KCNJ3: variants seen among roughly 807,000 people sequenced by gnomAD.
KCNJ3 encodes the protein potassium inwardly rectifying channel subfamily J member 3, also known as G protein-activated inward rectifier potassium channel 1.
A neutral mutation model predicts 39.2 loss-of-function variants in KCNJ3; 4 were observed. The observed-to-expected ratio is 0.10, with a 90% confidence interval of 0.05 to 0.23. KCNJ3 has a LOEUF of 0.23. Ranked by LOEUF, KCNJ3 falls within the 10% of genes least tolerant of loss-of-function variation. KCNJ3 has a pLI of 1.00. For missense variants in KCNJ3, 276 were observed against 634.9 expected (o/e 0.43, Z 6.08); for synonymous variants, 230 against 237.4 (o/e 0.97, Z 0.29).
intron 2 of KCNJ3, among the ~76,000 whole-genome samples, chr2:154,840,117 G>A (rs954837929): frequency 6.6e-6 from 1 of 152,110 alleles, no homozygotes; most frequent in Non-Finnish European, 1.5e-5. Context: ...TTTTATGTAA[G>A]GTGTAAGGAA....
At chr2:154,726,402 A>G (rs911049013) in intron 2 of KCNJ3, among the ~76,000 whole-genome samples, 1 of 152,212 alleles carries the variant, frequency 6.6e-6, no homozygotes, top group African/African-American at 2.4e-5. Context: ...AATCAAGACC[A>G]CAAAGCAATA....
At chr2:154,814,210 C>T (rs1687044972) in intron 2 of KCNJ3, among the ~76,000 whole-genome samples, 2 of 152,138 alleles carry the variant, frequency 1.3e-5, no homozygotes, top group South Asian at 4.1e-4. Context: ...TGACTTTTGA[C>T]ATAAGGTGAC....
intron 1 of KCNJ3, among the ~76,000 whole-genome samples, chr2:154,701,221 G>T (rs890688060): frequency 1.1e-4 from 16 of 152,048 alleles, no homozygotes; most frequent in African/African-American, 3.9e-4. Context: ...TAGTGGCAAG[G>T]TTTCTGTTCA....
chr2:154,852,558 ATTAT>A (rs1306439067), intron 2 of KCNJ3, among the ~76,000 whole-genome samples: 1 of 152,140 alleles, frequency 6.6e-6, no homozygotes, highest in Non-Finnish European at 1.5e-5. Flanking sequence ...GCACTTCCAC[ATTAT>A]TTGTTTTACT....
chr2:154,743,290 A>C (rs1479675774), intron 2 of KCNJ3, among the ~76,000 whole-genome samples: 2 of 151,852 alleles, frequency 1.3e-5, no homozygotes, highest in Admixed American at 1.3e-4. Context: ...TTTTAAAATC[A>C]GGAAATATGA....
In KCNJ3 at chr2:154,699,652, C is replaced by T. The variant is rs1230660680; in HGVS notation, c.702+175C>T. 2.2e-6 allele frequency: 1 copy of T among 464,426 alleles called. No individual in the cohort carries two copies. The highest frequency in any genetic ancestry group is 2.1e-5 in the African/African-American group (1 of 47,218). 28.8% of individuals were successfully genotyped at this position (464,426 alleles called of 1,614,324 possible). A position where few individuals can be genotyped will look rare whatever the true frequency, so the allele number is the denominator to read the frequency against. On this transcript the variant is annotated intron_variant, in intron 1 of 2. Transcript: ENST00000295101. This position sits in a 1 kb window ranked among gnomAD's most constrained non-coding sequence, Gnocchi z 6.4. The stretch of plus-strand genomic sequence containing the variant: ...TGGGCAAAGAATGCGGTTGACAGTT[C>T]TGTTCCTTTTCCACTCACTCTCGTG...
chr2:154,749,369 G>A (rs762158974), intron 2 of KCNJ3, among the ~76,000 whole-genome samples: 19 of 152,064 alleles, frequency 1.2e-4, no homozygotes, highest in East Asian at 1.9e-4. Flanking sequence ...GATCTGCTTC[G>A]TTATGGTTCC....
At chr2:154,834,246 T>A (rs937868011) in intron 2 of KCNJ3, among the ~76,000 whole-genome samples, 18 of 152,334 alleles carry the variant, frequency 1.2e-4, no homozygotes, top group Non-Finnish European at 1.9e-4. Flanking sequence ...GATAGCCATG[T>A]AATGATATCT....
intron 2 of KCNJ3, among the ~76,000 whole-genome samples, chr2:154,802,028 C>T (rs1368059901): frequency 1.3e-5 from 2 of 152,148 alleles, no homozygotes; most frequent in Non-Finnish European, 2.9e-5. Context: ...ATGTTGTTTG[C>T]ATCTGTAGAA....
chr2:154,773,665 T>C (rs1686282206), intron 2 of KCNJ3, among the ~76,000 whole-genome samples: 1 of 152,316 alleles, frequency 6.6e-6, no homozygotes, highest in East Asian at 1.9e-4. Flanking sequence ...ATTTTAATGC[T>C]CTTTTAATAA....
chr2:154,701,135 G>T (rs6435329), intron 1 of KCNJ3, among the ~76,000 whole-genome samples: 71,821 of 151,856 alleles, frequency 0.47, 17,780 homozygotes, highest in Non-Finnish European at 0.53. Context: ...TGTGTCTTTA[G>T]CTTTGCATAG....
In KCNJ3 at chr2:154,726,790, T is replaced by TGTAC. The variant is rs1199633935; in HGVS notation, c.919+16971_919+16972insGTAC. Among the ~76,000 whole-genome samples, 34 of 117,746 alleles carry TGTAC rather than the reference T, an allele frequency of 2.9e-4. 1 individual carries two copies. The Admixed American group carries it at 3.0e-3, about 10-fold the overall frequency. 77.2% of individuals were successfully genotyped at this position (117,746 alleles called of 152,430 possible). The stretch of plus-strand genomic sequence containing the variant: ...CACACACACACACACATACATTTTA[T>TGTAC]ATACATACACACACACACACACACA... On this transcript the variant is annotated intron_variant, in intron 2 of 2. Coordinates refer to ENST00000295101, the MANE Select transcript of KCNJ3 (RefSeq NM_002239.4).
In KCNJ3 at chr2:154,858,122, G is replaced by T. The variant is rs916961307; in HGVS notation, c.*2809G>T. 1 of 151,864 alleles carries T rather than the reference G, an allele frequency of 6.6e-6. No homozygotes were observed. Among genetic ancestry groups the T allele is most frequent in the African/African-American group, 2.4e-5 (1 of 41,326 alleles). The allele number at this position is 151,864 out of a possible 1,614,324, so 9.4% of individuals were successfully genotyped here. A position where few individuals can be genotyped will look rare whatever the true frequency, so the allele number is the denominator to read the frequency against. The stretch of plus-strand genomic sequence containing the variant: ...ATCTTTTCCACACATGCGTGGGAAA[G>T]GTATGATTTCTGCATGTAATTGCAG... On this transcript the variant is annotated 3_prime_UTR_variant, in exon 3 of 3. Transcript: ENST00000295101.
At chr2:154,739,883 C>T (rs1685621047) in intron 2 of KCNJ3, among the ~76,000 whole-genome samples, 1 of 151,994 alleles carries the variant, frequency 6.6e-6, no homozygotes, top group Non-Finnish European at 1.5e-5. Flanking sequence ...ATAACTCAGT[C>T]TTTTCATATG....
intron 2 of KCNJ3, among the ~76,000 whole-genome samples, chr2:154,781,327 T>C (rs1369787858): frequency 6.6e-6 from 1 of 152,230 alleles, no homozygotes; most frequent in Admixed American, 6.5e-5. Flanking sequence ...ATTAATTCAC[T>C]CTGGAACAGG....
At chr2:154,846,408 C>A (rs762454563) in intron 2 of KCNJ3, among the ~76,000 whole-genome samples, 12 of 152,102 alleles carry the variant, frequency 7.9e-5, no homozygotes, top group African/African-American at 2.9e-4. Context: ...AGTGATTGAA[C>A]CTTTATTATT....
chr2:154,816,174 A>G (rs921083977), intron 2 of KCNJ3, among the ~76,000 whole-genome samples: 1 of 152,224 alleles, frequency 6.6e-6, no homozygotes, highest in Non-Finnish European at 1.5e-5. Context: ...GGAGTAAATT[A>G]CTTAACATGA....
At chr2:154,774,722 A>G (rs1686302809) in intron 2 of KCNJ3, among the ~76,000 whole-genome samples, 1 of 152,198 alleles carries the variant, frequency 6.6e-6, no homozygotes. Flanking sequence ...GGAAAAGGCA[A>G]ATGCAAAGTT....
In KCNJ3 at chr2:154,802,022, T is replaced by C. The variant is rs183765202; in HGVS notation, c.920-52705T>C. Among the ~76,000 whole-genome samples the C allele has an allele frequency of 3.9e-3, 595 of 152,290 alleles. 1 individual carries two copies. Among genetic ancestry groups the C allele is most frequent in the Non-Finnish European group, 6.9e-3 (466 of 68,006 alleles). Reference sequence around the variant, plus strand: ...CATCTCATTTTCTTGCTATTAATGTTGTTTGCATCTGTAGAACTACTGCTT... The same window carrying C: ...CATCTCATTTTCTTGCTATTAATGTCGTTTGCATCTGTAGAACTACTGCTT... On this transcript the variant is annotated intron_variant, in intron 2 of 2. Coordinates refer to ENST00000295101, the MANE Select transcript of KCNJ3 (RefSeq NM_002239.4).
Sources: gnomAD v4.1 joint callset for allele counts (sites outside exome capture counted in the v4.1 genomes callset) on GRCh38, gnomAD v4.1.1 for gene constraint, Gnocchi (gnomAD v3.1) non-coding constraint, MANE v1.5 for transcripts, NCBI Gene and HGNC (gene_info 2026-07-23, HGNC 2026-07-21) for gene names.